The following PDE4D variants were observed in gnomAD, a reference collection of about 807,000 sequenced individuals.
The protein encoded by PDE4D is 3',5'-cyclic-AMP phosphodiesterase 4D.
PDE4D carries 24 observed loss-of-function variants against 87.4 expected under a neutral mutation model. The observed-to-expected ratio is 0.27, with a 90% CI of 0.20 to 0.39. PDE4D has a LOEUF of 0.39. Among genes scored for constraint, PDE4D ranks in the 10% least tolerant of loss-of-function variants. The probability of loss-of-function intolerance (pLI) is 1.00; values close to 1 mark genes in which losing one functional copy is unlikely to be tolerated. For missense variants in PDE4D, 714 were observed against 1,041.0 expected (o/e 0.69, Z 4.32); for synonymous variants, 384 against 383.2 (o/e 1.00, Z -0.02).
Position 60,274,108 on chromosome 5 carries a change from T to G in PDE4D, c.-89-88421A>C, listed in dbSNP as rs960697589. On this transcript the variant is annotated intron_variant, in intron 1 of 16. Transcript: ENST00000502484. ...ATTATTTGTGCATCTCATCAGCTAATTTTTAGCTGAGTATGAAGAGGTAAA... is the reference window on the plus strand; with the variant it reads ...ATTATTTGTGCATCTCATCAGCTAAGTTTTAGCTGAGTATGAAGAGGTAAA... Among the ~76,000 whole-genome samples the G allele has an allele frequency of 2.6e-5, 4 of 152,272 alleles. No individual in the cohort carries two copies. The East Asian group carries it at 7.7e-4, about 29-fold the overall frequency.
chr5:59,162,464 T>C (rs1171679303), intron 5 of PDE4D, among the ~76,000 whole-genome samples: 1 of 152,108 alleles, frequency 6.6e-6, no homozygotes, highest in Non-Finnish European at 1.5e-5. Context: ...AAGAAGCCCA[T>C]TGAACAAATA....
intron 1 of PDE4D, among the ~76,000 whole-genome samples, chr5:59,620,639 G>A (rs1480347177): frequency 3.3e-5 from 5 of 152,100 alleles, no homozygotes; most frequent in Admixed American, 2.6e-4. Flanking sequence ...GGGTGATTTG[G>A]TGGCTATAAA....
rs535318620 is a variant in PDE4D at position 60,186,454 on chromosome 5, G to T, written c.-89-767C>A. On this transcript the variant is annotated intron_variant, in intron 1 of 16. Transcript: ENST00000502484. Reference sequence around the variant, plus strand: ...GAAAGAACAAATCGAATAGCTATATGTGCTGTGTTCATTTATGATATTCTG... The same window carrying T: ...GAAAGAACAAATCGAATAGCTATATTTGCTGTGTTCATTTATGATATTCTG... Among the ~76,000 whole-genome samples, 6 of 152,246 alleles carry T rather than the reference G, an allele frequency of 3.9e-5. No homozygotes were observed. The South Asian group carries it at 1.2e-3, about 32-fold the overall frequency.
intron 1 of PDE4D, among the ~76,000 whole-genome samples, chr5:60,199,902 T>C (rs906381483): frequency 6.6e-6 from 1 of 151,640 alleles, no homozygotes; most frequent in African/African-American, 2.4e-5. Context: ...GCCAACCTAG[T>C]TGGCAAAAAC....
intron 1 of PDE4D, among the ~76,000 whole-genome samples, chr5:60,456,401 G>T (rs865977290): frequency 1.2e-4 from 19 of 152,202 alleles, no homozygotes; most frequent in African/African-American, 4.3e-4. Flanking sequence ...CTTAACCTGG[G>T]TTAGCCAGGA....
At chr5:60,221,835 T>C (rs181930095) in intron 1 of PDE4D, among the ~76,000 whole-genome samples, 1 of 152,286 alleles carries the variant, frequency 6.6e-6, no homozygotes, top group African/African-American at 2.4e-5. Context: ...ACAGTTTGTT[T>C]ATCCAGACTC....
intron 5 of PDE4D, among the ~76,000 whole-genome samples, chr5:59,114,113 A>G (rs1230542596): frequency 6.6e-6 from 1 of 152,230 alleles, no homozygotes; most frequent in Non-Finnish European, 1.5e-5. Flanking sequence ...TAGTTAAATA[A>G]CTGCTAGAAC....
intron 1 of PDE4D, among the ~76,000 whole-genome samples, chr5:59,464,767 A>T (rs530496851): frequency 1.7e-4 from 26 of 151,512 alleles, no homozygotes; most frequent in South Asian, 4.2e-4. Context: ...CGGGTCATGC[A>T]GGAATCATAT....
chr5:59,194,438 A>T (rs1345526354), intron 2 of PDE4D, among the ~76,000 whole-genome samples: 1 of 152,202 alleles, frequency 6.6e-6, no homozygotes, highest in African/African-American at 2.4e-5. Context: ...ACTCATGAAC[A>T]ATCTGAAAAC....
intron 1 of PDE4D, among the ~76,000 whole-genome samples, chr5:59,714,354 T>C (rs902097015): frequency 4.6e-5 from 7 of 152,242 alleles, no homozygotes; most frequent in Non-Finnish European, 1.0e-4. Context: ...CAAAGACTAC[T>C]TGCTGCAGCC....
chr5:60,421,814 G>A (rs953040385), intron 1 of PDE4D, among the ~76,000 whole-genome samples: 5 of 152,118 alleles, frequency 3.3e-5, no homozygotes, highest in Non-Finnish European at 7.4e-5. Context: ...TGGACGAATG[G>A]CAAATTAGAA....
intron 2 of PDE4D, among the ~76,000 whole-genome samples, chr5:60,014,091 TAAAAAAAAAA>T (rs36035984): frequency 2.1e-5 from 2 of 96,460 alleles, no homozygotes; most frequent in African/African-American, 8.0e-5. Context: ...GACTCCACCT[TAAAAAAAAAA>T]AAAAAAAAAA....
At chr5:59,218,115 C>G (rs932383459) in intron 1 of PDE4D, 7 of 326,920 alleles carry the variant, frequency 2.1e-5, no homozygotes, top group Admixed American at 1.4e-4. Context: ...AAGTAGATTT[C>G]TCTTCTAAGA....
chr5:59,524,145 G>A (rs764848717), intron 1 of PDE4D, among the ~76,000 whole-genome samples: 6 of 152,198 alleles, frequency 3.9e-5, no homozygotes, highest in Admixed American at 2.0e-4. Context: ...TGGGTAACAG[G>A]CAGAGGTTGG....
At chr5:59,639,454 A>G (rs1741165592) in intron 1 of PDE4D, among the ~76,000 whole-genome samples, 1 of 152,168 alleles carries the variant, frequency 6.6e-6, no homozygotes, top group Admixed American at 6.5e-5. Flanking sequence ...AAACTCAGGC[A>G]GTGGTAACAG....
At chr5:59,455,071 C>A (rs113001173) in intron 1 of PDE4D, among the ~76,000 whole-genome samples, 2 of 152,214 alleles carry the variant, frequency 1.3e-5, no homozygotes, top group African/African-American at 2.4e-5. Flanking sequence ...CCTGACAATG[C>A]GATAGAAAAG....
intron 2 of PDE4D, among the ~76,000 whole-genome samples, chr5:59,211,394 G>A (rs944261335): frequency 1.3e-5 from 2 of 151,860 alleles, no homozygotes; most frequent in African/African-American, 2.4e-5. Context: ...TCTAAGAGTT[G>A]GCTGCATATT....
At position 59,893,029 on chromosome 5, in the gene PDE4D, G is replaced by A. The variant is rs1242761908; in HGVS notation, c.455+139C>T. ...CTCAATAAAGGATAGGCACACCCCT[G>A]TTTGTCCTCCCCCAATTTCCAGACT... is the stretch of plus-strand genomic sequence containing the variant. On this transcript the variant is annotated intron_variant, in intron 1 of 14. Coordinates refer to ENST00000340635, the MANE Select transcript of PDE4D (RefSeq NM_001104631.2). The A allele has an allele frequency of 4.7e-6, 4 of 854,134 alleles. No individual in the cohort carries two copies. The Admixed American group carries it at 8.3e-5, about 18-fold the overall frequency. The allele number at this position is 854,134 out of a possible 1,614,324, so 52.9% of individuals were successfully genotyped here.
At chr5:60,376,175 T>G (rs1274428654) in intron 1 of PDE4D, among the ~76,000 whole-genome samples, 2 of 152,190 alleles carry the variant, frequency 1.3e-5, no homozygotes, top group African/African-American at 4.8e-5. Context: ...CAATACAAAT[T>G]TATTATCTTA....
Sources: gnomAD v4.1 joint callset for allele counts (sites outside exome capture counted in the v4.1 genomes callset) on GRCh38, gnomAD v4.1.1 for gene constraint, MANE v1.5 for transcripts, NCBI Gene and HGNC (gene_info 2026-07-23, HGNC 2026-07-21) for gene names.